Variants in DNAH10 observed in about 807,000 individuals in gnomAD.
DNAH10 encodes the protein dynein axonemal heavy chain 10.
Under a neutral mutation model 506.6 loss-of-function variants are expected in DNAH10, and 348 were observed. That is an observed-to-expected ratio of 0.69 (90% CI 0.63 to 0.75). DNAH10 has a LOEUF of 0.75. Ranked by LOEUF, DNAH10 falls within the 30% of genes least tolerant of loss-of-function variation. The pLI, the probability that DNAH10 is intolerant of heterozygous loss-of-function variation, is 0.00. For missense variants in DNAH10, 5,179 were observed against 5,787.1 expected, an observed-to-expected ratio of 0.89 and a Z score of 3.41; for synonymous variants, 2,059 against 2,198.6, an observed-to-expected ratio of 0.94 and a Z score of 1.78.
Position 123,930,520 on chromosome 12 carries a change from A to G in DNAH10, c.12731A>G (p.Asn4244Ser), listed in dbSNP as rs1242729237. The change falls in exon 73 of 79, where the codon AAC (asparagine) becomes AGC (serine). Residue 4244 changes from asparagine to serine, a missense_variant. Physicochemically the swap from Asn to Ser is conservative, Grantham distance 46. This residue lies in a region of DNAH10 where 4,844 missense variants were observed against 5,430.5 expected (regional missense o/e 0.89). Coordinates refer to ENST00000673944, the MANE Select transcript of DNAH10 (RefSeq NM_001372106.1). ...TTCCAGCCATTCCACTTCTTCCGGA[A>G]CAAGGAAGTGGACTACAAAATCCCT... ...DTFQPFHFFR[N>S]KEVDYKIPVG... 1.9e-6 allele frequency: 3 copies of G among 1,610,336 alleles called. No homozygotes were observed. The highest frequency in any genetic ancestry group is 2.5e-6 in the Non-Finnish European group (3 of 1,178,786).
At chr12:123,892,307 T>C (rs1220110963) in intron 52 of DNAH10, among the ~76,000 whole-genome samples, 1 of 152,142 alleles carries the variant, frequency 6.6e-6, no homozygotes, top group African/African-American at 2.4e-5. Flanking sequence ...GCGCGTCCCA[T>C]GGCCAGAGTG....
intron 11 of DNAH10, 128 bp from the exon 12 acceptor site, chr12:123,793,814 C>A: frequency 1.6e-6 from 1 of 632,734 alleles, no homozygotes; most frequent in Non-Finnish European, 2.1e-6. Flanking sequence ...AATTGGATAC[C>A]AGTTTCCATT....
intron 26 of DNAH10, 81 bp downstream of exon 26, chr12:123,830,780 TAA>T (rs553207799): frequency 7.3e-3 from 6,732 of 925,750 alleles, no homozygotes; most frequent in South Asian, 9.6e-3. Flanking sequence ...TCATCTATAC[TAA>T]AAAAAAAAAA....
Position 123,928,738 on chromosome 12 carries a change from C to T in DNAH10, c.12306+151C>T. 1 of 890,764 alleles carries T rather than the reference C, an allele frequency of 1.1e-6. No individual in the cohort carries two copies. Among genetic ancestry groups the T allele is most frequent in the Non-Finnish European group, 1.7e-6 (1 of 600,478 alleles). The allele number at this position is 890,764 out of a possible 1,614,324, so 55.2% of individuals were successfully genotyped here. A position where few individuals can be genotyped will look rare whatever the true frequency, so the allele number is the denominator to read the frequency against. ...GCGGTTGAAACCCTTCTCAATCCCA[C>T]CTCTCTCTTTAGAGGGAGCCGCTGT... On this transcript the variant is annotated intron_variant, in intron 70 of 78. Transcript: ENST00000673944. This position sits in a 1 kb window ranked among gnomAD's most constrained non-coding sequence, Gnocchi z 4.9.
chr12:123,929,604 A>G (rs559632900), intron 71 of DNAH10, 60 bp from the exon 72 acceptor site: 885 of 1,579,418 alleles, frequency 5.6e-4, no homozygotes, highest in Non-Finnish European at 7.2e-4. Flanking sequence ...TCAGAAAAGT[A>G]TCAGAATGTG....
chr12:123,909,479 T>C lies in DNAH10; in HGVS notation c.9997+37T>C. ...CACGTGTGGGAATCGCCAGGGTGGA[T>C]CTCGGTCTGGCATCTCAGGCTCTGG... On this transcript the variant is annotated intron_variant, in intron 58 of 78. Coordinates refer to ENST00000673944, the MANE Select transcript of DNAH10 (RefSeq NM_001372106.1). The surrounding 1 kb of genome is among the most constrained non-coding windows in gnomAD (Gnocchi z 5.4). 1 of 1,508,694 alleles carries C rather than the reference T, an allele frequency of 6.6e-7. No individual in the cohort carries two copies. The highest frequency in any genetic ancestry group is 8.9e-7 in the Non-Finnish European group (1 of 1,123,668). The allele number at this position is 1,508,694 out of a possible 1,614,324, so 93.5% of individuals were successfully genotyped here. A position where few individuals can be genotyped will look rare whatever the true frequency, so the allele number is the denominator to read the frequency against.
chr12:123,799,244 A>G lies in DNAH10; in HGVS notation c.2164-2A>G. ...ATGACGGTTGCTTGAATTCTTTGAT[A>G]GGTCAAACAAAAATATTTGGAAGTA... On this transcript the variant is annotated splice_acceptor_variant, in intron 13 of 78. Coordinates refer to ENST00000673944, the MANE Select transcript of DNAH10 (RefSeq NM_001372106.1). LOFTEE classifies it high-confidence loss of function. The G allele has an allele frequency of 3.7e-6, 6 of 1,604,150 alleles. No homozygotes were observed. The highest frequency in any genetic ancestry group is 5.1e-6 in the Non-Finnish European group (6 of 1,173,474).
At chr12:123,808,117 C>A (rs1958782357) in intron 18 of DNAH10, among the ~76,000 whole-genome samples, 1 of 152,168 alleles carries the variant, frequency 6.6e-6, no homozygotes, top group Non-Finnish European at 1.5e-5. Context: ...ACTGCAGCCT[C>A]AACCTCCCTG....
chr12:123,803,594 G>A (rs746466455), intron 16 of DNAH10, 67 bp from the exon 17 acceptor site: 37 of 1,405,850 alleles, frequency 2.6e-5, no homozygotes, highest in South Asian at 3.1e-5. Context: ...CATCACAGAC[G>A]TTGGTGGGGG....
intron 18 of DNAH10, among the ~76,000 whole-genome samples, chr12:123,808,184 C>G (rs1958784908): frequency 6.6e-6 from 1 of 152,140 alleles, no homozygotes; most frequent in Non-Finnish European, 1.5e-5. Context: ...AGGCGTGTGC[C>G]ACTATGCCCA....
rs1566114060 is a variant in DNAH10, at chr12:123,925,853, C to CT, written c.11921+650dup. The CT allele has an allele frequency of 1.3e-5, 2 of 152,236 alleles. No individual in the cohort carries two copies. The highest frequency in any genetic ancestry group is 4.8e-5 in the African/African-American group (2 of 41,438). The allele number at this position is 152,236 out of a possible 1,614,324, so 9.4% of individuals were successfully genotyped here. On this transcript the variant is annotated intron_variant, in intron 68 of 78. Coordinates refer to ENST00000673944, the MANE Select transcript of DNAH10 (RefSeq NM_001372106.1). This position sits in a 1 kb window ranked among gnomAD's most constrained non-coding sequence, Gnocchi z 4.0. ...TGGGAACCCACAGTGGCTGGATCCT[C>CT]TGACTCTGAAAGAAGCTAGGACTTC...
Position 123,914,814 on chromosome 12 carries a change from G to A in DNAH10, c.10575-38G>A, listed in dbSNP as rs778712931. On this transcript the variant is annotated intron_variant, in intron 61 of 78. Transcript: ENST00000673944. The stretch of plus-strand genomic sequence containing the variant: ...CCCTTAGCCCTTGGCTCACAAATTG[G>A]TGAGAAAAATTCATTTCCCAATGGC... 14 of 1,605,602 alleles carry A rather than the reference G, an allele frequency of 8.7e-6. 1 individual carries two copies. The African/African-American group carries it at 1.5e-4, about 17-fold the overall frequency.
At chr12:123,789,791 G>T (rs1321640478) in intron 10 of DNAH10, 136 bp from the exon 11 acceptor site, 2 of 786,274 alleles carry the variant, frequency 2.5e-6, no homozygotes, top group African/African-American at 3.5e-5. Context: ...GTACCGAAGG[G>T]CTTAGTCCGG....
chr12:123,896,205 C>T (rs938465415), intron 54 of DNAH10, among the ~76,000 whole-genome samples: 6 of 145,946 alleles, frequency 4.1e-5, no homozygotes, highest in Admixed American at 1.4e-4. Flanking sequence ...AATATATTCC[C>T]TGGAATTGAG....
chr12:123,836,914 A>G (rs1961191155), intron 28 of DNAH10, among the ~76,000 whole-genome samples: 1 of 150,910 alleles, frequency 6.6e-6, no homozygotes, highest in African/African-American at 2.4e-5. Flanking sequence ...GTGCAGTGGC[A>G]CAATCTTGAC....
chr12:123,929,452 G>A lies in DNAH10; in HGVS notation c.12484G>A (p.Val4162Met), dbSNP rs1290770159. 2.0e-5 allele frequency: 32 copies of A among 1,613,562 alleles called. No homozygotes were observed. Among genetic ancestry groups the A allele is most frequent in the East Asian group, 4.5e-5 (2 of 44,898 alleles). ...RRKFGKIGWN[V>M]YYDFNESDFQ... ...GAAGTTTGGGAAGATTGGCTGGAAC[G>A]TGTACTATGACTTCAATGAGTCTGA... is the stretch of plus-strand genomic sequence containing the variant. Residue 4162 changes from valine to methionine, a missense_variant, in exon 71 of 79, where the codon GTG (valine) becomes ATG (methionine). Physicochemically the swap from Val to Met is conservative, Grantham distance 21. Coordinates refer to ENST00000673944, the MANE Select transcript of DNAH10 (RefSeq NM_001372106.1).
chr12:123,842,232 G>C (rs996193295), intron 30 of DNAH10, among the ~76,000 whole-genome samples: 4 of 152,210 alleles, frequency 2.6e-5, no homozygotes, highest in Non-Finnish European at 4.4e-5. Context: ...CCCTGACTTA[G>C]TGAACCACCA....
rs752870523 is a variant in DNAH10, at chr12:123,918,758, G to C, written c.11315G>C (p.Arg3772Thr). 2.2e-5 allele frequency: 36 copies of C among 1,608,588 alleles called. No individual in the cohort carries two copies. The highest frequency in any genetic ancestry group is 1.6e-4 in the Middle Eastern group (1 of 6,062). The change falls in exon 65 of 79, where the codon AGG (arginine) becomes ACG (threonine). Residue 3772 changes from arginine (R) to threonine (T), a missense_variant. Arg to Thr is a moderately conservative substitution (Grantham distance 71, BLOSUM62 -1). Transcript: ENST00000673944. ...GATGGCTACCGGCCAGCAGCCAGGA[G>C]GGGGGCCATCCTGTTCTTCGTCCTG... is the stretch of plus-strand genomic sequence containing the variant. ...LRDGYRPAAR[R>T]GAILFFVLSE... is the part of the protein sequence containing the mutation.
chr12:123,897,124 G>A (rs1286866625), intron 54 of DNAH10, among the ~76,000 whole-genome samples: 1 of 152,160 alleles, frequency 6.6e-6, no homozygotes, highest in Admixed American at 6.5e-5. Flanking sequence ...GGTGTCTGGC[G>A]TCTTTCACTT....
Sources: gnomAD v4.1 joint callset for allele counts (sites outside exome capture counted in the v4.1 genomes callset) on GRCh38, gnomAD v4.1.1 for gene constraint, gnomAD v4.1.1 regional missense constraint, Gnocchi (gnomAD v3.1) non-coding constraint, MANE v1.5 for transcripts, NCBI Gene and HGNC (gene_info 2026-07-23, HGNC 2026-07-21) for gene names.